The following TMPRSS6 variants were observed in gnomAD, a reference collection of about 807,000 sequenced individuals.
The protein encoded by TMPRSS6 is transmembrane protease serine 6.
In TMPRSS6, 67 loss-of-function variants were observed where a neutral mutation model predicts 101.5. That is an observed-to-expected ratio of 0.66 (90% CI 0.54 to 0.81). The LOEUF is 0.81. Ranked by LOEUF, TMPRSS6 falls within the 30% of genes least tolerant of loss-of-function variation. The pLI is 0.00. For missense variants in TMPRSS6, 1,034 were observed against 1,088.7 expected (o/e 0.95, Z 0.71); for synonymous variants, 453 against 464.9 (o/e 0.97, Z 0.33).
chr22:37,101,493 T>C lies in TMPRSS6; in HGVS notation c.202+1723A>G, dbSNP rs1344138487. On this transcript the variant is annotated intron_variant, in intron 2 of 17. Transcript: ENST00000676104. The surrounding 1 kb of genome is among the most constrained non-coding windows in gnomAD (Gnocchi z 4.1). The stretch of plus-strand genomic sequence containing the variant: ...GTCCTGCTCCAGTGTCACTGGTCAC[T>C]TGTGCACCTCCTCTTCCAGACAGGG... Among the ~76,000 whole-genome samples the C allele has an allele frequency of 2.0e-5, 3 of 152,090 alleles. No homozygotes were observed. Among genetic ancestry groups the C allele is most frequent in the African/African-American group, 7.2e-5 (3 of 41,384 alleles).
At chr22:37,074,465 G>C in intron 12 of TMPRSS6, 145 bp downstream of exon 12, 1 of 780,818 alleles carries the variant, frequency 1.3e-6, no homozygotes, top group Non-Finnish European at 2.1e-6. Flanking sequence ...TTGCCACCCC[G>C]GCACAGTGAG....
chr22:37,071,980 G>T (rs1926967831), intron 13 of TMPRSS6, among the ~76,000 whole-genome samples: 1 of 150,762 alleles, frequency 6.6e-6, no homozygotes, highest in Admixed American at 6.6e-5. Context: ...ATGGATGGAT[G>T]GATGGATGGA....
intron 12 of TMPRSS6, 93 bp from the exon 13 acceptor site, chr22:37,073,738 C>T (rs902174862): frequency 5.0e-6 from 4 of 803,910 alleles, no homozygotes; most frequent in Admixed American, 3.4e-5. Flanking sequence ...CTGTATTGCA[C>T]GTTACCAATC....
Position 37,098,474 on chromosome 22 carries a change from T to A in TMPRSS6, c.278A>T (p.Asp93Val). The A allele has an allele frequency of 6.2e-7, 1 of 1,613,804 alleles. No individual in the cohort carries two copies. Among genetic ancestry groups the A allele is most frequent in the Non-Finnish European group, 8.5e-7 (1 of 1,179,994 alleles). The change falls in exon 3 of 18, where the codon GAT (aspartate) becomes GTT (valine). Residue 93 changes from aspartate to valine, a missense_variant. Transcript: ENST00000676104. ...LRVLNRHFSQ[D>V]LTRRESSAFR... is the part of the protein sequence containing the mutation. Reference sequence around the variant, plus strand: ...GGCACTAGATTCCCGGCGGGTAAGATCCTGGGAGAAGTGGCGATTGAGTAC... The same window carrying A: ...GGCACTAGATTCCCGGCGGGTAAGAACCTGGGAGAAGTGGCGATTGAGTAC...
chr22:37,092,881 C>G (rs1302639051), intron 6 of TMPRSS6, among the ~76,000 whole-genome samples: 1 of 152,250 alleles, frequency 6.6e-6, no homozygotes, highest in Non-Finnish European at 1.5e-5. Flanking sequence ...ATCTGGGACT[C>G]TGTGTGAGGC....
Position 37,096,669 on chromosome 22 carries a change from G to A in TMPRSS6, c.383C>T (p.Ser128Phe). 1.3e-6 allele frequency: 2 copies of A among 1,566,760 alleles called. No homozygotes were observed. The highest frequency in any genetic ancestry group is 1.7e-6 in the Non-Finnish European group (2 of 1,154,670). ...TSTRLGTYYNSSSVYSFGEGP... is the reference protein window; with the variant it reads ...TSTRLGTYYNFSSVYSFGEGP... ...TCACCCAAAGGAATAGACGGAGCTG[G>A]AGTTGTAGTAAGTTCCCAGGCGGGT... The change falls in exon 4 of 18, where the codon TCC (serine) becomes TTC (phenylalanine). Residue 128 changes from serine to phenylalanine, a missense_variant. Coordinates refer to ENST00000676104, the MANE Select transcript of TMPRSS6 (RefSeq NM_001374504.1).
chr22:37,087,090 T>C (rs1490822103), intron 7 of TMPRSS6, among the ~76,000 whole-genome samples: 4 of 152,168 alleles, frequency 2.6e-5, no homozygotes, highest in Admixed American at 6.5e-5. Context: ...CGCTAGGCAC[T>C]GTCTGTGATG....
At chr22:37,078,481 G>A (rs73160052) in intron 10 of TMPRSS6, among the ~76,000 whole-genome samples, 5,851 of 152,266 alleles carry the variant, frequency 0.038, 159 homozygotes, top group Middle Eastern at 0.082. Context: ...CCTGGAGCAC[G>A]GGTAGAGGTG....
Position 37,089,701 on chromosome 22 carries a change from C to T in TMPRSS6, c.713G>A (p.Trp238Ter). 2 of 1,612,086 alleles carry T rather than the reference C, an allele frequency of 1.2e-6. No homozygotes were observed. Among genetic ancestry groups the T allele is most frequent in the Non-Finnish European group, 1.7e-6 (2 of 1,179,300 alleles). The change falls in exon 7 of 18, where the codon TGG (tryptophan) becomes TAG (stop). Residue 238 changes from tryptophan to a stop codon, truncating the protein, a stop_gained. Transcript: ENST00000676104. LOFTEE classifies it high-confidence loss of function. ...GAGGTCCTTGGGGCCCTGCAGGTGCCACAGGCAGCTGGAGGCCAGGTGGTC... is the reference window on the plus strand; with the variant it reads ...GAGGTCCTTGGGGCCCTGCAGGTGCTACAGGCAGCTGGAGGCCAGGTGGTC... The part of the protein sequence containing the change: ...GPDHLASSCL[W>*]HLQGPKDLML...
intron 15 of TMPRSS6, 112 bp downstream of exon 15, chr22:37,070,372 G>T: frequency 7.2e-7 from 1 of 1,392,040 alleles, no homozygotes; most frequent in Admixed American, 1.7e-5. Flanking sequence ...CCTGTCTGGG[G>T]GGTCCACCAC....
intron 12 of TMPRSS6, among the ~76,000 whole-genome samples, chr22:37,074,129 G>A (rs1281572383): frequency 1.3e-5 from 2 of 152,230 alleles, no homozygotes; most frequent in African/African-American, 2.4e-5. Context: ...CAGATGAGGT[G>A]ACTTGTCCAA....
intron 6 of TMPRSS6, among the ~76,000 whole-genome samples, chr22:37,091,744 G>A (rs549980549): frequency 1.3e-5 from 2 of 152,364 alleles, no homozygotes; most frequent in South Asian, 2.1e-4. Context: ...AGTTAACTGA[G>A]TCTGGGCCAG....
In TMPRSS6 at chr22:37,103,928, C is replaced by T. The variant is rs181226798; in HGVS notation, c.-1-510G>A. Among the ~76,000 whole-genome samples, 2 of 152,220 alleles carry T rather than the reference C, an allele frequency of 1.3e-5. No individual in the cohort carries two copies. Among genetic ancestry groups the T allele is most frequent in the African/African-American group, 4.8e-5 (2 of 41,450 alleles). On this transcript the variant is annotated intron_variant, in intron 1 of 17. Coordinates refer to ENST00000676104, the MANE Select transcript of TMPRSS6 (RefSeq NM_001374504.1). This position sits in a 1 kb window ranked among gnomAD's most constrained non-coding sequence, Gnocchi z 4.4. ...CCCAGAATCCCCTGAGCTGGCACTGCGCTGGGCCGGGGACCTGCCTTCCTT... is the reference window on the plus strand; with the variant it reads ...CCCAGAATCCCCTGAGCTGGCACTGTGCTGGGCCGGGGACCTGCCTTCCTT...
intron 10 of TMPRSS6, among the ~76,000 whole-genome samples, chr22:37,079,392 T>C (rs1216268350): frequency 8.8e-5 from 13 of 147,864 alleles, no homozygotes; most frequent in Admixed American, 6.0e-4. Context: ...CCTGTCAGGA[T>C]GTACTGCCTG....
intron 13 of TMPRSS6, among the ~76,000 whole-genome samples, chr22:37,072,480 TG>T (rs1320276320): frequency 3.4e-5 from 3 of 88,190 alleles, no homozygotes; most frequent in African/African-American, 4.7e-5. Context: ...GATGGATGGA[TG>T]GATGATGGAT....
rs1478604923 is a variant in TMPRSS6 at position 37,101,552 on chromosome 22, C to T, written c.202+1664G>A. 2.0e-5 allele frequency among the ~76,000 whole-genome samples: 3 copies of T among 152,040 alleles called. No individual in the cohort carries two copies. Among genetic ancestry groups the T allele is most frequent in the Admixed American group, 6.5e-5 (1 of 15,282 alleles). On this transcript the variant is annotated intron_variant, in intron 2 of 17. Coordinates refer to ENST00000676104, the MANE Select transcript of TMPRSS6 (RefSeq NM_001374504.1). The surrounding 1 kb of genome is among the most constrained non-coding windows in gnomAD (Gnocchi z 4.1). ...GTCTCTGATCCACTTCCTTGCCCAGCGCCCAGTCCCAGGAGCACAGCCTGG... is the reference window on the plus strand; with the variant it reads ...GTCTCTGATCCACTTCCTTGCCCAGTGCCCAGTCCCAGGAGCACAGCCTGG...
upstream of TMPRSS6, among the ~76,000 whole-genome samples, chr22:37,110,529 G>A (rs897102332): frequency 2.0e-5 from 3 of 152,184 alleles, no homozygotes; most frequent in African/African-American, 7.2e-5. Flanking sequence ...TCTGAACTGA[G>A]AAAAGCTGCA....
chr22:37,069,031 ACG>A lies in TMPRSS6; in HGVS notation c.2113+40_2113+41del, dbSNP rs1926600093. On this transcript the variant is annotated intron_variant, in intron 16 of 17. Transcript: ENST00000676104. The surrounding 1 kb of genome is among the most constrained non-coding windows in gnomAD (Gnocchi z 4.8). Reference sequence around the variant, plus strand: ...GCCAGGTGTTACGGCGCAGATCCGCACGGTCTCCCTCCGCCTCCCGCCGCAAG... The same window carrying A: ...GCCAGGTGTTACGGCGCAGATCCGCAGTCTCCCTCCGCCTCCCGCCGCAAG... The A allele has an allele frequency of 6.5e-7, 1 of 1,533,048 alleles. No homozygotes were observed. Among genetic ancestry groups the A allele is most frequent in the South Asian group, 1.2e-5 (1 of 83,784 alleles). The allele number at this position is 1,533,048 out of a possible 1,614,324, so 95.0% of individuals were successfully genotyped here.
At position 37,103,716 on chromosome 22, in the gene TMPRSS6, C is replaced by G; in HGVS notation, c.-1-298G>C. ...AGAGGACAGACGGAGGTCTCAGTACCTAAACACCCACCTCCCTAGAGGCTG... is the reference window on the plus strand; with the variant it reads ...AGAGGACAGACGGAGGTCTCAGTACGTAAACACCCACCTCCCTAGAGGCTG... On this transcript the variant is annotated intron_variant, in intron 1 of 17. Coordinates refer to ENST00000676104, the MANE Select transcript of TMPRSS6 (RefSeq NM_001374504.1). This position sits in a 1 kb window ranked among gnomAD's most constrained non-coding sequence, Gnocchi z 4.4. The G allele has an allele frequency of 1.2e-6, 1 of 843,582 alleles. No individual in the cohort carries two copies. Among genetic ancestry groups the G allele is most frequent in the South Asian group, 1.4e-5 (1 of 69,206 alleles). 52.3% of individuals were successfully genotyped at this position (843,582 alleles called of 1,614,324 possible). A position where few individuals can be genotyped will look rare whatever the true frequency, so the allele number is the denominator to read the frequency against.
Sources: allele counts gnomAD v4.1 joint callset (sites outside exome capture counted in the v4.1 genomes callset), GRCh38; gene constraint gnomAD v4.1.1; non-coding constraint Gnocchi (gnomAD v3.1); transcripts MANE v1.5; gene names NCBI Gene and HGNC (gene_info 2026-07-23, HGNC 2026-07-21).